Variants in SLC9C1 observed in about 807,000 individuals in gnomAD.
SLC9C1 encodes solute carrier family 9 member C1.
In SLC9C1, 97 loss-of-function variants were observed where a neutral mutation model predicts 140.9. The ratio of observed to expected loss-of-function variants is 0.69; its 90% CI spans 0.58 to 0.82. The LOEUF (loss-of-function observed/expected upper bound fraction) is 0.82. Among genes scored for constraint, SLC9C1 ranks in the 40% least tolerant of loss-of-function variants. SLC9C1 has a pLI of 0.00. For synonymous variants in SLC9C1, 440 were observed against 442.6 expected (o/e 0.99, Z 0.07); for missense variants, 1,340 against 1,389.3 (o/e 0.96, Z 0.56).
chr3:112,181,311 G>A (rs868450521), intron 21 of SLC9C1, among the ~76,000 whole-genome samples: 34 of 152,216 alleles, frequency 2.2e-4, no homozygotes, highest in African/African-American at 7.7e-4. Flanking sequence ...GGGAACAGAT[G>A]TAGGCTAATG....
At chr3:112,203,794 A>G (rs922140250) in intron 17 of SLC9C1, among the ~76,000 whole-genome samples, 1 of 151,974 alleles carries the variant, frequency 6.6e-6, no homozygotes, top group Non-Finnish European at 1.5e-5. Flanking sequence ...TTTCTATAAT[A>G]CTATATGTAT....
chr3:112,289,164 A>G (rs1576540540), intron 1 of SLC9C1, among the ~76,000 whole-genome samples: 1 of 152,210 alleles, frequency 6.6e-6, no homozygotes, highest in East Asian at 1.9e-4. Flanking sequence ...AAGGCTGTCA[A>G]TGCCCTTCAG....
At chr3:112,185,605 C>T (rs553011938) in intron 20 of SLC9C1, 6 of 1,598,266 alleles carry the variant, frequency 3.8e-6, no homozygotes, top group African/African-American at 2.7e-5. Flanking sequence ...CGCCCGAAGC[C>T]CTCTCTCCCA....
chr3:112,275,059 A>G, intron 5 of SLC9C1, 34 bp from the exon 6 acceptor site: 1 of 1,530,170 alleles, frequency 6.5e-7, no homozygotes, highest in Non-Finnish European at 8.7e-7. Context: ...TGTTTTTTAA[A>G]GTGAGAAAAA....
intron 26 of SLC9C1, among the ~76,000 whole-genome samples, chr3:112,156,341 T>G (rs1431890297): frequency 6.6e-6 from 1 of 152,128 alleles, no homozygotes; most frequent in African/African-American, 2.4e-5. Flanking sequence ...TTTATTGTTT[T>G]TTTAATGGCT....
intron 28 of SLC9C1, among the ~76,000 whole-genome samples, chr3:112,150,840 A>ATATTT (rs1331641000): frequency 2.1e-4 from 12 of 57,322 alleles, no homozygotes; most frequent in African/African-American, 8.6e-4. Flanking sequence ...ATATATATAT[A>ATATTT]TTTTTTTTTT....
At chr3:112,209,760 A>C (rs2078151822) in intron 15 of SLC9C1, among the ~76,000 whole-genome samples, 1 of 152,232 alleles carries the variant, frequency 6.6e-6, no homozygotes, top group African/African-American at 2.4e-5. Flanking sequence ...CAAAAACAAC[A>C]AAATAGTTAG....
At chr3:112,250,054 C>T in intron 10 of SLC9C1, among the ~76,000 whole-genome samples, 1 of 141,880 alleles carries the variant, frequency 7.0e-6, no homozygotes, top group African/African-American at 2.7e-5. Context: ...CTAATGCTAT[C>T]CCTCCCCCTC....
At chr3:112,204,524 T>G (rs1256165078) in intron 16 of SLC9C1, 121 bp from the exon 17 acceptor site, 1 of 1,094,952 alleles carries the variant, frequency 9.1e-7, no homozygotes, top group Non-Finnish European at 1.3e-6. Context: ...GTATGAAATA[T>G]CCTCAGGAAA....
At chr3:112,159,814 C>A (rs1241650129) in intron 26 of SLC9C1, among the ~76,000 whole-genome samples, 2 of 123,738 alleles carry the variant, frequency 1.6e-5, no homozygotes, top group Non-Finnish European at 3.6e-5. Context: ...TATATAATGA[C>A]CTTTTTTGTT....
intron 12 of SLC9C1, among the ~76,000 whole-genome samples, chr3:112,238,216 A>T (rs891941441): frequency 3.3e-5 from 5 of 152,156 alleles, no homozygotes; most frequent in African/African-American, 1.2e-4. Flanking sequence ...TTGATCTTCC[A>T]TCACTGATAC....
At chr3:112,214,836 G>A (rs1056779976) in intron 15 of SLC9C1, among the ~76,000 whole-genome samples, 1 of 152,096 alleles carries the variant, frequency 6.6e-6, no homozygotes, top group Non-Finnish European at 1.5e-5. Context: ...AGAAAAAGAG[G>A]GAATCCTCCC....
At chr3:112,250,923 A>G (rs1576448123) in intron 10 of SLC9C1, among the ~76,000 whole-genome samples, 1 of 152,308 alleles carries the variant, frequency 6.6e-6, no homozygotes, top group African/African-American at 2.4e-5. Context: ...GTTCTACCAT[A>G]AAGACATATG....
chr3:112,211,467 C>T (rs2078202660), intron 15 of SLC9C1, among the ~76,000 whole-genome samples: 1 of 152,230 alleles, frequency 6.6e-6, no homozygotes, highest in East Asian at 1.9e-4. Context: ...CCAAGTGAAG[C>T]TGTGACAGAT....
At position 112,161,625 on chromosome 3, in the gene SLC9C1, TC is replaced by T. The variant is rs2075302236; in HGVS notation, c.3364+5595del. 2.0e-5 allele frequency among the ~76,000 whole-genome samples: 3 copies of T among 152,028 alleles called. No individual in the cohort carries two copies. The South Asian group carries it at 6.2e-4, about 32-fold the overall frequency. ...TGAGGGCTCTGTTCTGTTCCATTGATCTATATCTCTGTTTTGGTACCAGTAC... is the reference window on the plus strand; with the variant it reads ...TGAGGGCTCTGTTCTGTTCCATTGATTATATCTCTGTTTTGGTACCAGTAC... On this transcript the variant is annotated intron_variant, in intron 26 of 28. Transcript: ENST00000305815.
intron 27 of SLC9C1, among the ~76,000 whole-genome samples, chr3:112,152,980 T>C (rs1560006247): frequency 1.3e-5 from 2 of 152,154 alleles, no homozygotes; most frequent in Admixed American, 6.5e-5. Flanking sequence ...AACAGTCTGA[T>C]CTATCTTTCT....
intron 11 of SLC9C1, 73 bp downstream of exon 11, chr3:112,243,922 T>C (rs2079204828): frequency 9.1e-7 from 1 of 1,100,042 alleles, no homozygotes; most frequent in Non-Finnish European, 1.3e-6. Flanking sequence ...GGATTCTTTC[T>C]TTATTATTAG....
At chr3:112,166,219 A>C (rs1430551326) in intron 26 of SLC9C1, among the ~76,000 whole-genome samples, 1 of 152,186 alleles carries the variant, frequency 6.6e-6, no homozygotes, top group Admixed American at 6.5e-5. Flanking sequence ...TGTGCTTCCC[A>C]GGTGAGGCAA....
intron 5 of SLC9C1, among the ~76,000 whole-genome samples, chr3:112,277,162 T>G (rs865962572): frequency 6.6e-5 from 10 of 152,158 alleles, no homozygotes; most frequent in Non-Finnish European, 1.3e-4. Flanking sequence ...TAAATTGAGT[T>G]GGTATTTTAC....
Sources: allele counts gnomAD v4.1 joint callset (sites outside exome capture counted in the v4.1 genomes callset), GRCh38; gene constraint gnomAD v4.1.1; transcripts MANE v1.5; gene names NCBI Gene and HGNC (gene_info 2026-07-23, HGNC 2026-07-21).